USP37: variants seen among roughly 807,000 people sequenced by gnomAD.
The protein encoded by USP37 is ubiquitin carboxyl-terminal hydrolase 37.
A neutral mutation model predicts 124.0 loss-of-function variants in USP37; 27 were observed. The observed-to-expected ratio is 0.22, with a 90% confidence interval of 0.16 to 0.30. USP37 has a LOEUF of 0.30. USP37 is among the 10% of genes least tolerant of loss of function. USP37 has a pLI of 1.00. For synonymous variants in USP37, 365 were observed against 388.0 expected, an observed-to-expected ratio of 0.94 and a Z score of 0.70; for missense variants, 889 against 1,140.4, an observed-to-expected ratio of 0.78 and a Z score of 3.17.
chr2:218,563,429 T>C (rs1693421420), intron 1 of USP37, among the ~76,000 whole-genome samples: 1 of 152,218 alleles, frequency 6.6e-6, no homozygotes, highest in Non-Finnish European at 1.5e-5. Context: ...AGAAAGAATA[T>C]GTCCTTTGTT....
At chr2:218,510,795 C>A (rs941817860) in intron 10 of USP37, among the ~76,000 whole-genome samples, 1 of 152,046 alleles carries the variant, frequency 6.6e-6, no homozygotes, top group Non-Finnish European at 1.5e-5. Context: ...GAGTTTGAGA[C>A]CAGCTTGGGC....
rs58650311 is a variant in USP37, at chr2:218,528,803, G to GAAAAAAAAAA, written c.863+1143_863+1152dup. On this transcript the variant is annotated intron_variant, in intron 10 of 25. Transcript: ENST00000258399. ...TTATGTATTTATACCCAATAAATCTGAAAAAAAAAAAAAAAAAAAAAAAAA... is the reference window on the plus strand; with the variant it reads ...TTATGTATTTATACCCAATAAATCTGAAAAAAAAAAAAAAAAAAAAAAAAAAAAAAAAAAA... 16 of 29,706 alleles carry GAAAAAAAAAA rather than the reference G, an allele frequency of 5.4e-4. 6 individuals are homozygous for GAAAAAAAAAA. Among genetic ancestry groups the GAAAAAAAAAA allele is most frequent in the Admixed American group, 1.8e-3 (2 of 1,086 alleles). The allele number at this position is 29,706 out of a possible 1,614,324, so 1.8% of individuals were successfully genotyped here. A position where few individuals can be genotyped will look rare whatever the true frequency, so the allele number is the denominator to read the frequency against.
intron 9 of USP37, among the ~76,000 whole-genome samples, chr2:218,530,493 T>G (rs900978748): frequency 2.0e-5 from 3 of 152,152 alleles, no homozygotes; most frequent in African/African-American, 7.2e-5. Context: ...TCCACCAAAT[T>G]GTCATTATTA....
chr2:218,458,086 G>A (rs1395591578), intron 23 of USP37, among the ~76,000 whole-genome samples: 1 of 150,214 alleles, frequency 6.7e-6, no homozygotes, highest in East Asian at 1.9e-4. Context: ...AAAAATTGGG[G>A]GAAGGAATAT....
intron 17 of USP37, among the ~76,000 whole-genome samples, chr2:218,481,120 T>C (rs1171834505): frequency 6.6e-6 from 1 of 152,194 alleles, no homozygotes; most frequent in African/African-American, 2.4e-5. Flanking sequence ...ACATAACATA[T>C]GGCTTCAAAG....
At chr2:218,536,042 A>AG (rs1691627740) in intron 8 of USP37, among the ~76,000 whole-genome samples, 1 of 143,364 alleles carries the variant, frequency 7.0e-6, no homozygotes, top group Non-Finnish European at 1.5e-5. Context: ...AAAAAAAAAA[A>AG]GGAAAAGAAA....
At chr2:218,479,530 T>C in intron 18 of USP37, 120 bp downstream of exon 18, 2 of 798,106 alleles carry the variant, frequency 2.5e-6, no homozygotes, top group Non-Finnish European at 2.1e-6. Context: ...GTATAGGTAA[T>C]AAAGAGCATT....
At chr2:218,455,431 A>C in intron 25 of USP37, 149 bp downstream of exon 25, 1 of 968,786 alleles carries the variant, frequency 1.0e-6, no homozygotes, top group Non-Finnish European at 1.5e-6. Context: ...GGAAATATCA[A>C]GAGATAGACC....
intron 9 of USP37, 142 bp downstream of exon 9, chr2:218,534,463 TGGGC>T: frequency 3.3e-6 from 1 of 305,436 alleles, no homozygotes. Context: ...CACTCCAACC[TGGGC>T]GACAGAGCAA....
chr2:218,500,794 T>C (rs1689334598), intron 11 of USP37: 1 of 152,442 alleles, frequency 6.6e-6, no homozygotes, highest in South Asian at 2.1e-4. Context: ...GCCTTTTTTT[T>C]TTTTTTGAGA....
rs978012637 is a variant in USP37, at chr2:218,536,370, T to C, written c.681-1664A>G. ...ACTCATTTTTATATTCTCTCTTCCA[T>C]ATCTTCACACCAACTTATGTTTTTG... On this transcript the variant is annotated intron_variant, in intron 8 of 25. Coordinates refer to ENST00000258399, the MANE Select transcript of USP37 (RefSeq NM_020935.3). Among the ~76,000 whole-genome samples, 4 of 152,202 alleles carry C rather than the reference T, an allele frequency of 2.6e-5. No individual in the cohort carries two copies. In the South Asian group the frequency reaches 8.3e-4, roughly 31 times the overall value.
intron 9 of USP37, among the ~76,000 whole-genome samples, chr2:218,533,859 A>G (rs1191552549): frequency 6.6e-6 from 1 of 152,262 alleles, no homozygotes; most frequent in Non-Finnish European, 1.5e-5. Context: ...AATCGAACAG[A>G]TACGTTAAGT....
intron 8 of USP37, among the ~76,000 whole-genome samples, chr2:218,541,419 G>A (rs1691967613): frequency 6.6e-6 from 1 of 152,140 alleles, no homozygotes; most frequent in Non-Finnish European, 1.5e-5. Flanking sequence ...TCACTAGGGT[G>A]CCTCTTAATG....
At chr2:218,464,923 A>G (rs1409580163) in intron 21 of USP37, among the ~76,000 whole-genome samples, 1 of 152,040 alleles carries the variant, frequency 6.6e-6, no homozygotes, top group Non-Finnish European at 1.5e-5. Flanking sequence ...TTTACTAAAA[A>G]TAAAAAAATG....
intron 23 of USP37, 40 bp downstream of exon 23, chr2:218,459,750 C>A: frequency 1.3e-6 from 2 of 1,562,388 alleles, no homozygotes; most frequent in Non-Finnish European, 8.8e-7. Flanking sequence ...AAGAGTGACA[C>A]TGAATTTGAC....
rs1285838697 is a variant in USP37 at position 218,544,395 on chromosome 2, A to G, written c.680+1826T>C. On this transcript the variant is annotated intron_variant, in intron 8 of 25. Coordinates refer to ENST00000258399, the MANE Select transcript of USP37 (RefSeq NM_020935.3). The stretch of plus-strand genomic sequence containing the variant: ...ACAAGACTCCGTTTCACAAAAAAAA[A>G]AAAAAAAAAAAATATATATATATAT... Among the ~76,000 whole-genome samples the G allele has an allele frequency of 9.8e-5, 6 of 61,014 alleles. 1 individual carries two copies. The Middle Eastern group carries it at 0.026, about 268-fold the overall frequency. The allele number at this position is 61,014 out of a possible 152,430, so 40.0% of individuals were successfully genotyped here. A position where few individuals can be genotyped will look rare whatever the true frequency, so the allele number is the denominator to read the frequency against.
chr2:218,454,762 A>G lies in USP37; in HGVS notation c.*168T>C. 1 of 1,369,126 alleles carries G rather than the reference A, an allele frequency of 7.3e-7. No individual in the cohort carries two copies. The highest frequency in any genetic ancestry group is 9.6e-7 in the Non-Finnish European group (1 of 1,042,880). 84.8% of individuals were successfully genotyped at this position (1,369,126 alleles called of 1,614,324 possible). On this transcript the variant is annotated 3_prime_UTR_variant, in exon 26 of 26. Transcript: ENST00000258399. ...TGTGAGACCAAAGTTTCCATAAAAT[A>G]GCATGGAGCATTCTACGTTACTCCA...
chr2:218,496,016 G>T, intron 13 of USP37, 66 bp from the exon 14 acceptor site: 1 of 1,482,964 alleles, frequency 6.7e-7, no homozygotes, highest in South Asian at 1.3e-5. Flanking sequence ...TACTGAGGCT[G>T]GGTGTTGTGC....
intron 18 of USP37, among the ~76,000 whole-genome samples, chr2:218,477,269 A>G (rs1405207775): frequency 1.3e-5 from 2 of 152,204 alleles, no homozygotes; most frequent in African/African-American, 4.8e-5. Context: ...TTGTCTTTAT[A>G]AATTATGCTA....
Sources: gnomAD v4.1 joint callset for allele counts (sites outside exome capture counted in the v4.1 genomes callset) on GRCh38, gnomAD v4.1.1 for gene constraint, MANE v1.5 for transcripts, NCBI Gene and HGNC (gene_info 2026-07-23, HGNC 2026-07-21) for gene names.